OXCT1: variants seen among roughly 807,000 people sequenced by gnomAD.
The protein encoded by OXCT1 is succinyl-CoA:3-ketoacid coenzyme A transferase 1, mitochondrial.
OXCT1 carries 27 observed loss-of-function variants against 69.6 expected under a neutral mutation model. The ratio of observed to expected loss-of-function variants is 0.39; its 90% CI spans 0.29 to 0.54. The LOEUF (loss-of-function observed/expected upper bound fraction) is 0.54. OXCT1 is among the 20% of genes least tolerant of loss of function. OXCT1 has a pLI of 0.72. For synonymous variants in OXCT1, 202 were observed against 217.8 expected (o/e 0.93, Z 0.64); for missense variants, 437 against 650.2 (o/e 0.67, Z 3.57).
At position 41,777,189 on chromosome 5, in the gene OXCT1, G is replaced by C. The variant is rs142969554; in HGVS notation, c.1249-14989C>G. Among the ~76,000 whole-genome samples, 664 of 152,262 alleles carry C rather than the reference G, an allele frequency of 4.4e-3. 4 individuals carry two copies. The highest frequency in any genetic ancestry group is 0.014 in the Middle Eastern group (4 of 294). ...TCCCAGCACTTTGGGAGGGTGAGGT[G>C]GGTGGATCATGAGGTCAGGAGTTCG... On this transcript the variant is annotated intron_variant, in intron 13 of 16. Coordinates refer to ENST00000196371, the MANE Select transcript of OXCT1 (RefSeq NM_000436.4).
chr5:41,819,323 T>C (rs1394625857), intron 7 of OXCT1, among the ~76,000 whole-genome samples: 2 of 138,930 alleles, frequency 1.4e-5, no homozygotes, highest in East Asian at 4.7e-4. Context: ...ACGAACATTC[T>C]AAAACCATTA....
intron 7 of OXCT1, among the ~76,000 whole-genome samples, chr5:41,831,441 T>C (rs1748092843): frequency 6.6e-6 from 1 of 152,210 alleles, no homozygotes; most frequent in South Asian, 2.1e-4. Flanking sequence ...TTTCATGCTT[T>C]GTTTTTCCTC....
intron 14 of OXCT1, among the ~76,000 whole-genome samples, chr5:41,756,709 G>A (rs1316487372): frequency 1.3e-5 from 2 of 152,100 alleles, no homozygotes; most frequent in Non-Finnish European, 2.9e-5. Flanking sequence ...GCTGAAGAAG[G>A]GGGAGAAAGG....
At chr5:41,775,714 A>G (rs992588314) in intron 13 of OXCT1, among the ~76,000 whole-genome samples, 1 of 152,180 alleles carries the variant, frequency 6.6e-6, no homozygotes, top group Non-Finnish European at 1.5e-5. Flanking sequence ...ACAGCTCCAT[A>G]TTGAAGCTAC....
chr5:41,865,282 A>AT (rs1000928033), intron 1 of OXCT1, among the ~76,000 whole-genome samples: 10 of 152,228 alleles, frequency 6.6e-5, no homozygotes, highest in Admixed American at 3.3e-4. Context: ...CAAGAATTCT[A>AT]TTTTTTTGTT....
chr5:41,737,162 T>C (rs536528430), intron 16 of OXCT1, among the ~76,000 whole-genome samples: 2 of 152,310 alleles, frequency 1.3e-5, no homozygotes, highest in South Asian at 2.1e-4. Flanking sequence ...GATGGTTCCA[T>C]TGATACCATA....
chr5:41,810,406 G>A (rs1374265132), intron 7 of OXCT1, among the ~76,000 whole-genome samples: 3 of 152,066 alleles, frequency 2.0e-5, no homozygotes, highest in Non-Finnish European at 4.4e-5. Flanking sequence ...ATGGGCAGAT[G>A]TAAGTATCCT....
chr5:41,805,488 G>A (rs1484312168), intron 9 of OXCT1, 79 bp downstream of exon 9: 3 of 916,364 alleles, frequency 3.3e-6, no homozygotes, highest in African/African-American at 3.3e-5. Flanking sequence ...GACTCACTAT[G>A]CAAGAGGTCT....
intron 11 of OXCT1, among the ~76,000 whole-genome samples, chr5:41,798,783 TC>T (rs1375243618): frequency 6.6e-6 from 1 of 152,188 alleles, no homozygotes; most frequent in African/African-American, 2.4e-5. Context: ...AGAGCCCAGA[TC>T]TTGATGGGAC....
chr5:41,833,978 AGC>A, intron 7 of OXCT1, among the ~76,000 whole-genome samples: 1 of 151,866 alleles, frequency 6.6e-6, no homozygotes, highest in Non-Finnish European at 1.5e-5. Flanking sequence ...ACTGTACTCC[AGC>A]CTGGGCAACA....
intron 16 of OXCT1, among the ~76,000 whole-genome samples, chr5:41,734,583 T>A (rs1742796432): frequency 6.6e-6 from 1 of 152,248 alleles, no homozygotes. Context: ...ACTCATTAGC[T>A]TGTCAAGCTT....
At chr5:41,827,785 A>G (rs971183611) in intron 7 of OXCT1, among the ~76,000 whole-genome samples, 4 of 152,198 alleles carry the variant, frequency 2.6e-5, no homozygotes, top group Admixed American at 1.3e-4. Flanking sequence ...GTTTCTGACC[A>G]AAAAGAAAAG....
chr5:41,841,443 TC>T (rs1274841150), intron 6 of OXCT1, among the ~76,000 whole-genome samples: 14 of 152,108 alleles, frequency 9.2e-5, no homozygotes, highest in South Asian at 2.1e-4. Context: ...GAGTCCCAAG[TC>T]CCCCACTTGA....
Position 41,803,719 on chromosome 5 carries a change from G to A in OXCT1, c.956-556C>T, listed in dbSNP as rs902366046. Among the ~76,000 whole-genome samples, 33 of 151,964 alleles carry A rather than the reference G, an allele frequency of 2.2e-4. 1 individual carries two copies. Among genetic ancestry groups the A allele is most frequent in the African/African-American group, 7.7e-4 (32 of 41,390 alleles). ...TCTATGTGACATAAAAAGAAAAGTGGGGAGGAAATTAAATTTCAGCAAATA... is the reference window on the plus strand; with the variant it reads ...TCTATGTGACATAAAAAGAAAAGTGAGGAGGAAATTAAATTTCAGCAAATA... On this transcript the variant is annotated intron_variant, in intron 9 of 16. Transcript: ENST00000196371.
At chr5:41,742,142 C>T (rs959446665) in intron 15 of OXCT1, among the ~76,000 whole-genome samples, 1 of 152,030 alleles carries the variant, frequency 6.6e-6, no homozygotes, top group African/African-American at 2.4e-5. Context: ...AAATCTATGG[C>T]AAATTGACAT....
chr5:41,785,294 T>C (rs904531589), intron 13 of OXCT1, among the ~76,000 whole-genome samples: 12 of 152,184 alleles, frequency 7.9e-5, no homozygotes, highest in Admixed American at 3.9e-4. Flanking sequence ...TTGGCTGGGT[T>C]CTTCCACAGT....
In OXCT1 at chr5:41,862,757, T is replaced by TA; in HGVS notation, c.79-8dup. ...AAAAGGAACAAACACATCCCTGAAA[T>TA]ATTAAAAAAAAAAAATTGATAATCA... is the stretch of plus-strand genomic sequence containing the variant. On this transcript the variant is annotated splice_polypyrimidine_tract_variant and splice_region_variant and intron_variant, in intron 1 of 16. Transcript: ENST00000196371. 6.4e-7 allele frequency: 1 copy of TA among 1,558,274 alleles called. No homozygotes were observed. The highest frequency in any genetic ancestry group is 8.8e-7 in the Non-Finnish European group (1 of 1,131,702).
chr5:41,828,242 G>C (rs1251265748), intron 7 of OXCT1, among the ~76,000 whole-genome samples: 1 of 152,040 alleles, frequency 6.6e-6, no homozygotes, highest in Non-Finnish European at 1.5e-5. Context: ...CGAGTAGCTG[G>C]GATTACAGGC....
At chr5:41,847,601 C>A (rs981929281) in intron 5 of OXCT1, among the ~76,000 whole-genome samples, 2 of 151,504 alleles carry the variant, frequency 1.3e-5, no homozygotes, top group African/African-American at 4.8e-5. Context: ...TGGGCTTCAT[C>A]CCTGGGATGC....
Sources: allele counts gnomAD v4.1 joint callset (sites outside exome capture counted in the v4.1 genomes callset), GRCh38; gene constraint gnomAD v4.1.1; transcripts MANE v1.5; gene names NCBI Gene and HGNC (gene_info 2026-07-23, HGNC 2026-07-21).